TNFRSF11A: variants seen among roughly 807,000 people sequenced by gnomAD.
TNFRSF11A encodes the protein TNF receptor superfamily member 11a.
A neutral mutation model predicts 55.7 loss-of-function variants in TNFRSF11A; 32 were observed. That is an observed-to-expected ratio of 0.57 (90% CI 0.43 to 0.77). TNFRSF11A has a LOEUF of 0.77. Among genes scored for constraint, TNFRSF11A ranks in the 30% least tolerant of loss-of-function variants. TNFRSF11A has a pLI of 0.00. For missense variants in TNFRSF11A, 753 were observed against 809.8 expected, an observed-to-expected ratio of 0.93 and a Z score of 0.85; for synonymous variants, 311 against 331.0, an observed-to-expected ratio of 0.94 and a Z score of 0.65.
In TNFRSF11A at chr18:62,362,922, C is replaced by T. The variant is rs977193715; in HGVS notation, c.730+1129C>T. Among the ~76,000 whole-genome samples the T allele has an allele frequency of 2.0e-5, 3 of 152,168 alleles. No homozygotes were observed. In the East Asian group the frequency reaches 5.8e-4, roughly 29 times the overall value. ...GTAGTGGCACGATCTCGACTCACTG[C>T]AGCCTCCGCCTCCCAGGTTCAAGTG... On this transcript the variant is annotated intron_variant, in intron 7 of 9. Coordinates refer to ENST00000586569, the MANE Select transcript of TNFRSF11A (RefSeq NM_003839.4).
At chr18:62,341,886 G>T (rs1024761126) in intron 1 of TNFRSF11A, among the ~76,000 whole-genome samples, 2 of 123,252 alleles carry the variant, frequency 1.6e-5, no homozygotes, top group Non-Finnish European at 3.2e-5. Flanking sequence ...AATGTAGTCA[G>T]TTTTATTAAA....
In TNFRSF11A at chr18:62,389,384, G is replaced by A. The variant is rs1429548044; in HGVS notation, c.*4350G>A. On this transcript the variant is annotated 3_prime_UTR_variant, in exon 10 of 10. Transcript: ENST00000586569. ...AGTGAGCACAGGCGGGGTCTAGGTGGGATCACTGAAGCCAAGCCAAGTGGT... is the reference window on the plus strand; with the variant it reads ...AGTGAGCACAGGCGGGGTCTAGGTGAGATCACTGAAGCCAAGCCAAGTGGT... 1.3e-5 allele frequency: 2 copies of A among 152,368 alleles called. No individual in the cohort carries two copies. Among genetic ancestry groups the A allele is most frequent in the African/African-American group, 4.8e-5 (2 of 41,448 alleles). The allele number at this position is 152,368 out of a possible 1,614,324, so 9.4% of individuals were successfully genotyped here.
chr18:62,370,436 C>T (rs1416801315), intron 9 of TNFRSF11A, among the ~76,000 whole-genome samples: 1 of 152,234 alleles, frequency 6.6e-6, no homozygotes, highest in African/African-American at 2.4e-5. Context: ...CGCCCCTCTC[C>T]AGAGATGCTT....
At chr18:62,376,288 T>C (rs908608087) in intron 9 of TNFRSF11A, among the ~76,000 whole-genome samples, 1 of 149,890 alleles carries the variant, frequency 6.7e-6, no homozygotes, top group East Asian at 2.0e-4. Context: ...CTTTTTTTTT[T>C]TTTTTTTTGG....
intron 9 of TNFRSF11A, among the ~76,000 whole-genome samples, chr18:62,379,785 G>C (rs145134693): frequency 6.6e-6 from 1 of 152,314 alleles, no homozygotes; most frequent in Non-Finnish European, 1.5e-5. Flanking sequence ...TTGCAGCAAG[G>C]GGTGGGTGGC....
rs1026908936 is a variant in TNFRSF11A, at chr18:62,385,349, G to T, written c.*315G>T. The T allele has an allele frequency of 1.7e-5, 4 of 240,828 alleles. No homozygotes were observed. The highest frequency in any genetic ancestry group is 7.1e-5 in the African/African-American group (3 of 42,140). The allele number at this position is 240,828 out of a possible 1,614,324, so 14.9% of individuals were successfully genotyped here. A position where few individuals can be genotyped will look rare whatever the true frequency, so the allele number is the denominator to read the frequency against. The stretch of plus-strand genomic sequence containing the variant: ...TTATGACTATCCTGTTCTGTGGGGG[G>T]GGGGGTCTGTTTTCCCCCCATATTT... On this transcript the variant is annotated 3_prime_UTR_variant, in exon 10 of 10. Coordinates refer to ENST00000586569, the MANE Select transcript of TNFRSF11A (RefSeq NM_003839.4).
At chr18:62,352,186 A>G (rs1196468443) in intron 3 of TNFRSF11A, among the ~76,000 whole-genome samples, 1 of 152,218 alleles carries the variant, frequency 6.6e-6, no homozygotes, top group Non-Finnish European at 1.5e-5. Context: ...TATTGCTTCC[A>G]TGCTTAGCTT....
At chr18:62,374,449 T>A (rs1268605564) in intron 9 of TNFRSF11A, among the ~76,000 whole-genome samples, 5 of 152,234 alleles carry the variant, frequency 3.3e-5, no homozygotes, top group Admixed American at 6.5e-5. Flanking sequence ...ATAAGTTTTT[T>A]AAAAAATTCC....
At chr18:62,379,734 T>C (rs180813024) in intron 9 of TNFRSF11A, among the ~76,000 whole-genome samples, 9 of 152,244 alleles carry the variant, frequency 5.9e-5, no homozygotes, top group Admixed American at 5.9e-4. Flanking sequence ...GTAGACCCAT[T>C]CGCAAAGGAC....
chr18:62,338,085 A>G (rs924051807), intron 1 of TNFRSF11A, among the ~76,000 whole-genome samples: 2 of 152,226 alleles, frequency 1.3e-5, no homozygotes, highest in African/African-American at 4.8e-5. Context: ...GTCATTAGGA[A>G]AATGCAAACT....
intron 9 of TNFRSF11A, among the ~76,000 whole-genome samples, 183 bp from the exon 10 acceptor site, chr18:62,384,566 CCT>C (rs968621512): frequency 5.4e-5 from 8 of 148,086 alleles, no homozygotes; most frequent in African/African-American, 2.0e-4. Context: ...CTCTTCCATT[CCT>C]CTTTTCTCTG....
intron 8 of TNFRSF11A, chr18:62,367,353 G>T (rs1246915989): frequency 6.4e-6 from 1 of 156,752 alleles, no homozygotes; most frequent in African/African-American, 2.4e-5. Context: ...AGATTCCTAA[G>T]AAGGATGAAC....
chr18:62,349,217 C>A lies in TNFRSF11A; in HGVS notation c.158-595C>A, dbSNP rs146748605. Reference sequence around the variant, plus strand: ...TTTGAGATGGGGTCTTGCTCTGTTGCCCAGGCTGGAGTGCAGTGGCATGAT... The same window carrying A: ...TTTGAGATGGGGTCTTGCTCTGTTGACCAGGCTGGAGTGCAGTGGCATGAT... On this transcript the variant is annotated intron_variant, in intron 2 of 9. Transcript: ENST00000586569. Among the ~76,000 whole-genome samples the A allele has an allele frequency of 5.0e-3, 749 of 149,898 alleles. 3 individuals are homozygous for A. Among genetic ancestry groups the A allele is most frequent in the African/African-American group, 0.018 (724 of 40,628 alleles).
At chr18:62,379,704 A>G (rs184871083) in intron 9 of TNFRSF11A, among the ~76,000 whole-genome samples, 17 of 152,326 alleles carry the variant, frequency 1.1e-4, no homozygotes, top group Admixed American at 9.1e-4. Flanking sequence ...AAAGCATTCA[A>G]GATACAATTG....
intron 1 of TNFRSF11A, among the ~76,000 whole-genome samples, chr18:62,331,144 C>T (rs1026112634): frequency 6.6e-6 from 1 of 152,078 alleles, no homozygotes; most frequent in Admixed American, 6.6e-5. Flanking sequence ...GTGGAGGTTA[C>T]AGTGAACCGA....
chr18:62,344,103 T>C (rs1435070780), intron 1 of TNFRSF11A, among the ~76,000 whole-genome samples: 1 of 152,164 alleles, frequency 6.6e-6, no homozygotes, highest in Non-Finnish European at 1.5e-5. Flanking sequence ...CATTCTCCTT[T>C]CACCTCCAGA....
intron 9 of TNFRSF11A, among the ~76,000 whole-genome samples, chr18:62,376,752 ACTT>A (rs1910926454): frequency 1.3e-5 from 2 of 152,102 alleles, no homozygotes; most frequent in South Asian, 4.1e-4. Context: ...CTCTCTCTGA[ACTT>A]CTGGCAACTA....
chr18:62,333,446 C>G (rs941465120), intron 1 of TNFRSF11A, among the ~76,000 whole-genome samples: 11 of 152,196 alleles, frequency 7.2e-5, no homozygotes, highest in Admixed American at 6.5e-5. Context: ...GGTTTGCACT[C>G]AGCTCTGACA....
intron 6 of TNFRSF11A, 26 bp downstream of exon 6, chr18:62,360,075 T>G: frequency 6.3e-7 from 1 of 1,599,548 alleles, no homozygotes. Context: ...GCCTGTTGGT[T>G]GATAGATGTG....
Sources: gnomAD v4.1 joint callset for allele counts (sites outside exome capture counted in the v4.1 genomes callset) on GRCh38, gnomAD v4.1.1 for gene constraint, MANE v1.5 for transcripts, NCBI Gene and HGNC (gene_info 2026-07-23, HGNC 2026-07-21) for gene names.